STPG2: variants seen among roughly 807,000 people sequenced by gnomAD.
The protein encoded by STPG2 is sperm tail PG-rich repeat containing 2.
A neutral mutation model predicts 54.2 loss-of-function variants in STPG2; 56 were observed. That is an observed-to-expected ratio of 1.03 (90% CI 0.83 to 1.29). STPG2 has a LOEUF of 1.29. Among genes scored for constraint, STPG2 ranks in the 50% most tolerant of loss-of-function variants. The pLI, the probability that STPG2 is intolerant of heterozygous loss-of-function variation, is 0.00. For missense variants in STPG2, 596 were observed against 544.9 expected, an observed-to-expected ratio of 1.09 and a Z score of -0.93; for synonymous variants, 200 against 181.8, an observed-to-expected ratio of 1.10 and a Z score of -0.81.
chr4:97,779,065 G>C (rs1424562400), intron 9 of STPG2, among the ~76,000 whole-genome samples: 2 of 152,172 alleles, frequency 1.3e-5, no homozygotes, highest in Non-Finnish European at 2.9e-5. Flanking sequence ...ACCAGCAATG[G>C]AACAAAGCTG....
intron 5 of STPG2, among the ~76,000 whole-genome samples, chr4:98,093,433 T>C (rs1364524687): frequency 6.6e-6 from 1 of 152,180 alleles, no homozygotes; most frequent in Non-Finnish European, 1.5e-5. Flanking sequence ...TTATTACACA[T>C]TTTGTTGCAA....
intron 8 of STPG2, among the ~76,000 whole-genome samples, chr4:97,919,533 G>C (rs1732016488): frequency 6.6e-6 from 1 of 151,722 alleles, no homozygotes. Context: ...AAAAAGAAGA[G>C]AATGTTATGA....
intron 5 of STPG2, among the ~76,000 whole-genome samples, chr4:98,013,533 C>T (rs1437807357): frequency 2.9e-5 from 4 of 137,574 alleles, no homozygotes; most frequent in African/African-American, 1.1e-4. Flanking sequence ...ACCAGCTCCT[C>T]TTTGTACCTC....
intron 4 of STPG2, among the ~76,000 whole-genome samples, chr4:97,461,241 G>A (rs1340412460): frequency 1.3e-5 from 2 of 151,738 alleles, no homozygotes; most frequent in Non-Finnish European, 3.0e-5. Flanking sequence ...ACATTTGGTT[G>A]TCTCTCTTTC....
intron 10 of STPG2, among the ~76,000 whole-genome samples, chr4:97,604,313 T>A (rs1733539140): frequency 6.6e-6 from 1 of 151,700 alleles, no homozygotes; most frequent in Non-Finnish European, 1.5e-5. Context: ...TGGGAACGCT[T>A]TAATAATTGG....
intron 1 of STPG2, among the ~76,000 whole-genome samples, chr4:98,136,645 A>T (rs1371221618): frequency 6.6e-6 from 1 of 151,754 alleles, no homozygotes; most frequent in African/African-American, 2.4e-5. Context: ...AAAGCAAAAA[A>T]TAGTCTCAAT....
chr4:98,020,463 A>T (rs1265813275), intron 5 of STPG2, among the ~76,000 whole-genome samples: 1 of 151,184 alleles, frequency 6.6e-6, no homozygotes, highest in Non-Finnish European at 1.5e-5. Flanking sequence ...CATCAAGGAT[A>T]TTGGTCTAAA....
chr4:97,936,429 G>A (rs1030228248), intron 8 of STPG2, among the ~76,000 whole-genome samples: 2 of 152,142 alleles, frequency 1.3e-5, no homozygotes, highest in Non-Finnish European at 2.9e-5. Context: ...CATGATGCTA[G>A]CTGGTTATTT....
chr4:97,653,115 G>GAGA (rs1553946793), intron 10 of STPG2, among the ~76,000 whole-genome samples: 1 of 144,724 alleles, frequency 6.9e-6, no homozygotes, highest in African/African-American at 2.6e-5. Context: ...AGATAGATAG[G>GAGA]TAGATAGATA....
At chr4:97,725,520 C>G (rs186168256) in intron 9 of STPG2, among the ~76,000 whole-genome samples, 39 of 151,688 alleles carry the variant, frequency 2.6e-4, no homozygotes, top group African/African-American at 8.9e-4. Context: ...ATAAAACAAA[C>G]AGCATTCTGA....
intron 4 of STPG2, among the ~76,000 whole-genome samples, chr4:97,529,891 C>G (rs1286372444): frequency 6.6e-6 from 1 of 152,072 alleles, no homozygotes; most frequent in African/African-American, 2.4e-5. Context: ...TTTCATTTAA[C>G]TCAATCTGAA....
intron 4 of STPG2, chr4:97,463,683 C>T (rs2148810027): frequency 6.6e-6 from 1 of 152,394 alleles, no homozygotes; most frequent in Admixed American, 6.5e-5. Flanking sequence ...CTCCTGACCT[C>T]AGGTGATCTG....
rs574519976 is a variant in STPG2, at chr4:97,779,998, C to T, written c.1204+60775G>A. On this transcript the variant is annotated intron_variant, in intron 9 of 10. Transcript: ENST00000295268. The stretch of plus-strand genomic sequence containing the variant: ...AAACATGCCGAACTGTAAAGAACAT[C>T]GATGCTAGGAAGAAACTGCATCAAT... 6.0e-5 allele frequency among the ~76,000 whole-genome samples: 9 copies of T among 150,012 alleles called. No homozygotes were observed. The East Asian group carries it at 1.8e-3, about 29-fold the overall frequency.
chr4:98,056,820 T>A (rs1737499444), intron 5 of STPG2, among the ~76,000 whole-genome samples: 1 of 152,034 alleles, frequency 6.6e-6, no homozygotes, highest in South Asian at 2.1e-4. Context: ...TTTGGTTGTT[T>A]AAAAGTGTGT....
intron 4 of STPG2, among the ~76,000 whole-genome samples, chr4:97,500,240 TA>T (rs775813626): frequency 2.0e-5 from 3 of 151,926 alleles, no homozygotes; most frequent in Non-Finnish European, 2.9e-5. Context: ...GATGAGGGTG[TA>T]AAAGAAGTGA....
chr4:97,994,187 A>G (rs1453672026), intron 5 of STPG2, among the ~76,000 whole-genome samples: 1 of 152,134 alleles, frequency 6.6e-6, no homozygotes, highest in African/African-American at 2.4e-5. Context: ...TTCAGTTCAA[A>G]GAATTTTTTA....
At chr4:97,775,904 G>C (rs1417506246) in intron 9 of STPG2, among the ~76,000 whole-genome samples, 2 of 152,048 alleles carry the variant, frequency 1.3e-5, no homozygotes, top group Non-Finnish European at 2.9e-5. Flanking sequence ...TGGGATTACA[G>C]GTATGCACCA....
chr4:97,997,675 A>G (rs79459050), intron 5 of STPG2, among the ~76,000 whole-genome samples: 8,793 of 152,308 alleles, frequency 0.058, 370 homozygotes, highest in South Asian at 0.17. Flanking sequence ...CTATGCAGCC[A>G]TACAATACAA....
intron 8 of STPG2, among the ~76,000 whole-genome samples, chr4:97,850,283 AG>A (rs1258471178): frequency 3.4e-5 from 2 of 58,986 alleles, no homozygotes; most frequent in Non-Finnish European, 6.8e-5. Context: ...GGGAGGGGGG[AG>A]GGGGGAGGGA....
Sources: allele counts gnomAD v4.1 joint callset (sites outside exome capture counted in the v4.1 genomes callset), GRCh38; gene constraint gnomAD v4.1.1; transcripts MANE v1.5; gene names NCBI Gene and HGNC (gene_info 2026-07-23, HGNC 2026-07-21).